CCDC178: variants seen among roughly 807,000 people sequenced by gnomAD.
CCDC178 encodes the protein coiled-coil domain-containing protein 178.
A neutral mutation model predicts 117.4 loss-of-function variants in CCDC178; 126 were observed. The ratio of observed to expected loss-of-function variants is 1.07; its 90% CI spans 0.93 to 1.24. The LOEUF (loss-of-function observed/expected upper bound fraction) is 1.24. Ranked by LOEUF, CCDC178 falls within the 50% of genes most tolerant of loss-of-function variation. The probability of loss-of-function intolerance (pLI) is 0.00; values close to 1 mark genes in which losing one functional copy is unlikely to be tolerated. For missense variants in CCDC178, 1,030 were observed against 986.9 expected (o/e 1.04, Z -0.59); for synonymous variants, 283 against 313.4 (o/e 0.90, Z 1.02).
intron 21 of CCDC178, among the ~76,000 whole-genome samples, chr18:33,056,015 C>T (rs2056824319): frequency 1.3e-5 from 2 of 152,092 alleles, no homozygotes; most frequent in South Asian, 4.1e-4. Flanking sequence ...GTTGACCAGG[C>T]TGGTCTCAAA....
chr18:33,352,863 C>T (rs1390932221), intron 7 of CCDC178, among the ~76,000 whole-genome samples: 3 of 152,058 alleles, frequency 2.0e-5, no homozygotes, highest in Non-Finnish European at 2.9e-5. Flanking sequence ...GGTCCATGTG[C>T]ACATGAGAAG....
rs147628488 is a variant in CCDC178, at chr18:33,001,044, G to C, written c.2389-26363C>G. Among the ~76,000 whole-genome samples the C allele has an allele frequency of 4.4e-4, 67 of 152,172 alleles. 1 individual carries two copies. Among genetic ancestry groups the C allele is most frequent in the Middle Eastern group, 3.4e-3 (1 of 294 alleles). On this transcript the variant is annotated intron_variant, in intron 21 of 22. Coordinates refer to ENST00000383096, the MANE Select transcript of CCDC178 (RefSeq NM_001105528.4). ...AAGACAGCATAATAAGATATAAATA[G>C]AAACAACAAAAAGTTAATAGGTGGG... is the stretch of plus-strand genomic sequence containing the variant.
chr18:33,275,641 G>A (rs1282881888), intron 12 of CCDC178, among the ~76,000 whole-genome samples: 3 of 117,592 alleles, frequency 2.6e-5, no homozygotes, highest in African/African-American at 9.5e-5. Context: ...CTTGGAGGAA[G>A]GGTAGGAAAG....
chr18:33,266,257 T>A (rs1473688598), intron 14 of CCDC178, among the ~76,000 whole-genome samples: 1 of 151,990 alleles, frequency 6.6e-6, no homozygotes, highest in South Asian at 2.1e-4. Context: ...CAGATGTGAA[T>A]AATCCCTTTG....
At chr18:33,424,434 C>T (rs1049542652) in intron 2 of CCDC178, among the ~76,000 whole-genome samples, 2 of 152,188 alleles carry the variant, frequency 1.3e-5, no homozygotes, top group Non-Finnish European at 2.9e-5. Flanking sequence ...GACATCCAGG[C>T]CTGCGTGACT....
At chr18:33,245,224 A>C in intron 15 of CCDC178, 21 bp downstream of exon 15, 1 of 1,526,032 alleles carries the variant, frequency 6.6e-7, no homozygotes, top group Non-Finnish European at 8.8e-7. Flanking sequence ...CATGAGTAAG[A>C]GGAACACAAA....
chr18:32,993,805 C>G (rs1252242378), intron 21 of CCDC178, among the ~76,000 whole-genome samples: 2 of 152,126 alleles, frequency 1.3e-5, no homozygotes, highest in East Asian at 3.9e-4. Context: ...AAGTCCTCAA[C>G]AAATATTATT....
At chr18:33,136,023 T>A (rs1242046073) in intron 20 of CCDC178, 1 of 152,122 alleles carries the variant, frequency 6.6e-6, no homozygotes, top group African/African-American at 2.4e-5. Flanking sequence ...ATCAGAAAAC[T>A]CACCATGAGG....
intron 12 of CCDC178, among the ~76,000 whole-genome samples, chr18:33,276,226 A>G (rs892331323): frequency 1.3e-5 from 2 of 152,066 alleles, no homozygotes; most frequent in African/African-American, 4.8e-5. Context: ...TTTCATTTTA[A>G]TAAATGAATG....
At chr18:33,167,378 C>T (rs536617095) in intron 20 of CCDC178, among the ~76,000 whole-genome samples, 208 of 152,260 alleles carry the variant, frequency 1.4e-3, no homozygotes, top group Non-Finnish European at 2.4e-3. Context: ...TACAGTCCCA[C>T]CAGCCGTGCA....
chr18:33,052,354 C>T (rs2056760462), intron 21 of CCDC178, among the ~76,000 whole-genome samples: 1 of 152,086 alleles, frequency 6.6e-6, no homozygotes. Context: ...ATTTCTTTGT[C>T]AACTTAGGTA....
At chr18:33,253,190 A>G (rs1440493485) in intron 14 of CCDC178, among the ~76,000 whole-genome samples, 1 of 151,860 alleles carries the variant, frequency 6.6e-6, no homozygotes, top group Admixed American at 6.6e-5. Context: ...TTGTCACAAA[A>G]AGGTCTAGTA....
At chr18:33,246,145 C>G (rs2059546296) in intron 14 of CCDC178, among the ~76,000 whole-genome samples, 1 of 151,832 alleles carries the variant, frequency 6.6e-6, no homozygotes, top group Non-Finnish European at 1.5e-5. Context: ...TACAATAAAT[C>G]TGGGGTAAAG....
At chr18:33,353,897 T>G (rs2063014071) in intron 7 of CCDC178, among the ~76,000 whole-genome samples, 2 of 152,342 alleles carry the variant, frequency 1.3e-5, no homozygotes, top group Non-Finnish European at 2.9e-5. Context: ...TATTTTATCA[T>G]ATGGCTTCCA....
At chr18:33,312,480 C>T (rs1392988773) in intron 11 of CCDC178, among the ~76,000 whole-genome samples, 2 of 152,114 alleles carry the variant, frequency 1.3e-5, no homozygotes, top group Non-Finnish European at 2.9e-5. Flanking sequence ...CAGCAGTATC[C>T]CTACCCAACA....
chr18:33,019,458 T>C lies in CCDC178; in HGVS notation c.2389-44777A>G, dbSNP rs183261614. Among the ~76,000 whole-genome samples, 63 of 152,330 alleles carry C rather than the reference T, an allele frequency of 4.1e-4. No individual in the cohort carries two copies. The East Asian group carries it at 0.011, about 28-fold the overall frequency. On this transcript the variant is annotated intron_variant, in intron 21 of 22. Transcript: ENST00000383096. Reference sequence around the variant, plus strand: ...CAAGATATATGATTGCTAATTTAGTTTTCAGGTGGCCCTATAACTGGAGGA... The same window carrying C: ...CAAGATATATGATTGCTAATTTAGTCTTCAGGTGGCCCTATAACTGGAGGA...
chr18:33,091,360 G>A (rs1199884142), intron 21 of CCDC178, among the ~76,000 whole-genome samples: 3 of 10,914 alleles, frequency 2.7e-4, no homozygotes, highest in Non-Finnish European at 2.1e-3. Context: ...TTTTTGAGAC[G>A]GAGTCTCACT....
chr18:33,280,998 T>C lies in CCDC178; in HGVS notation c.1176+12161A>G, dbSNP rs1470778029. Among the ~76,000 whole-genome samples the C allele has an allele frequency of 3.9e-5, 6 of 151,914 alleles. No homozygotes were observed. In the East Asian group the frequency reaches 1.2e-3, roughly 29 times the overall value. On this transcript the variant is annotated intron_variant, in intron 12 of 22. Coordinates refer to ENST00000383096, the MANE Select transcript of CCDC178 (RefSeq NM_001105528.4). ...CGATAGCATTAGGAGATATACCTAA[T>C]GCTAAATGACCAGTTAATGGGTGCA... is the stretch of plus-strand genomic sequence containing the variant.
chr18:33,186,092 G>A (rs2058790987), intron 20 of CCDC178, among the ~76,000 whole-genome samples: 1 of 151,980 alleles, frequency 6.6e-6, no homozygotes, highest in Non-Finnish European at 1.5e-5. Context: ...ATTGTAATAT[G>A]TTCAAGTTAG....
Sources: gnomAD v4.1 joint callset for allele counts (sites outside exome capture counted in the v4.1 genomes callset) on GRCh38, gnomAD v4.1.1 for gene constraint, MANE v1.5 for transcripts, NCBI Gene and HGNC (gene_info 2026-07-23, HGNC 2026-07-21) for gene names.